Variants in DIPK1B observed in about 807,000 individuals in gnomAD.
DIPK1B encodes the protein family with sequence similarity 69 member B.
In DIPK1B, 17 loss-of-function variants were observed where a neutral mutation model predicts 20.7. That is an observed-to-expected ratio of 0.82 (90% CI 0.56 to 1.23). The LOEUF (loss-of-function observed/expected upper bound fraction) is 1.23. Ranked by LOEUF, DIPK1B falls within the 50% of genes most tolerant of loss-of-function variation. DIPK1B has a pLI of 0.00. For synonymous variants in DIPK1B, 343 were observed against 276.5 expected (o/e 1.24, Z -2.39); for missense variants, 648 against 601.8 (o/e 1.08, Z -0.80).
At chr9:136,716,020 G>A (rs1204221398) in intron 1 of DIPK1B, among the ~76,000 whole-genome samples, 2 of 151,964 alleles carry the variant, frequency 1.3e-5, no homozygotes, top group Non-Finnish European at 2.9e-5. Flanking sequence ...TGGTTTTGGC[G>A]ACTCTGGGGA....
intron 1 of DIPK1B, among the ~76,000 whole-genome samples, chr9:136,717,214 G>GT (rs1363138188): frequency 6.7e-6 from 1 of 150,280 alleles, no homozygotes; most frequent in Non-Finnish European, 1.5e-5. Context: ...GGGCTACAGA[G>GT]TAAGACTCCC....
At chr9:136,722,329 C>T in intron 4 of DIPK1B, 28 bp downstream of exon 4, 3 of 1,599,082 alleles carry the variant, frequency 1.9e-6, no homozygotes, top group Non-Finnish European at 2.6e-6. Context: ...GGGGGCAGGG[C>T]AGGAGTCCAC....
intron 1 of DIPK1B, among the ~76,000 whole-genome samples, chr9:136,715,411 A>G (rs1386700715): frequency 6.6e-6 from 1 of 152,174 alleles, no homozygotes; most frequent in Admixed American, 6.5e-5. Flanking sequence ...AGGGAAACCA[A>G]GGCAGAGGGA....
rs746735346 is a variant in DIPK1B, at chr9:136,723,433, G to A, written c.955G>A (p.Val319Met). 6.8e-6 allele frequency: 11 copies of A among 1,612,148 alleles called. No homozygotes were observed. Among genetic ancestry groups the A allele is most frequent in the African/African-American group, 1.3e-5 (1 of 75,032 alleles). ...YDFKMADLQQ[V>M]APEATVRRFL... Reference sequence around the variant, plus strand: ...CTTCAAGATGGCCGACCTGCAGCAGGTGGCACCCGAGGCCACCGTGCGCCG... The same window carrying A: ...CTTCAAGATGGCCGACCTGCAGCAGATGGCACCCGAGGCCACCGTGCGCCG... Residue 319 changes from valine (V) to methionine (M), a missense_variant, in exon 5 of 5, where the codon GTG becomes ATG. Transcript: ENST00000371692.
intron 4 of DIPK1B, 161 bp downstream of exon 4, chr9:136,722,462 A>C: frequency 1.1e-6 from 1 of 892,214 alleles, no homozygotes; most frequent in South Asian, 1.8e-5. Context: ...GAGCCCTGCC[A>C]GGGAAGGAGC....
intron 2 of DIPK1B, 113 bp downstream of exon 2, chr9:136,717,824 C>T (rs1846522151): frequency 2.0e-6 from 3 of 1,504,474 alleles, no homozygotes; most frequent in Non-Finnish European, 1.8e-6. Context: ...CCACGAGGCA[C>T]GTGGGTTTCT....
Position 136,723,279 on chromosome 9 carries a change from G to C in DIPK1B, c.801G>C (p.Ala267=). 3 of 1,612,564 alleles carry C rather than the reference G, an allele frequency of 1.9e-6. No individual in the cohort carries two copies. The South Asian group carries it at 3.3e-5, about 18-fold the overall frequency. The change falls in exon 5 of 5, where the codon GCG becomes GCC. Residue 267 remains alanine (A), a synonymous_variant. Coordinates refer to ENST00000371692, the MANE Select transcript of DIPK1B (RefSeq NM_152421.4). ...CTCTCCAGCAGTGGCTGGGGCCTGC[G>C]TGGCCTTGGCGGGCCAAGATCGCCA... The part of the protein sequence containing the change: ...QGALQQWLGP[A]WPWRAKIAIG...
intron 4 of DIPK1B, 40 bp downstream of exon 4, chr9:136,722,341 C>T (rs1406353707): frequency 6.3e-7 from 1 of 1,588,370 alleles, no homozygotes; most frequent in Non-Finnish European, 8.6e-7. Flanking sequence ...GGAGTCCACA[C>T]CACGGTCATA....
intron 4 of DIPK1B, chr9:136,722,541 T>C: frequency 1.7e-6 from 1 of 593,796 alleles, no homozygotes; most frequent in Non-Finnish European, 3.0e-6. Context: ...GGGAGGCTCC[T>C]GCAGTCAAGG....
At position 136,712,780 on chromosome 9, in the gene DIPK1B, G is replaced by A. The variant is rs1846444938; in HGVS notation, c.63+52G>A. On this transcript the variant is annotated intron_variant, in intron 1 of 4. Transcript: ENST00000371692. This position sits in a 1 kb window ranked among gnomAD's most constrained non-coding sequence, Gnocchi z 5.6. ...CCGGCCGCCTCTGCCTGGGGAGGCC[G>A]AGCTCCAGCCCCGGAGTGGGCCGAG... 1 of 1,253,326 alleles carries A rather than the reference G, an allele frequency of 8.0e-7. No homozygotes were observed. The highest frequency in any genetic ancestry group is 1.0e-6 in the Non-Finnish European group (1 of 989,288). The allele number at this position is 1,253,326 out of a possible 1,614,324, so 77.6% of individuals were successfully genotyped here.
At position 136,712,609 on chromosome 9, in the gene DIPK1B, G is replaced by A. The variant is rs531367076; in HGVS notation, c.-57G>A. On this transcript the variant is annotated 5_prime_UTR_variant, in exon 1 of 5. Coordinates refer to ENST00000371692, the MANE Select transcript of DIPK1B (RefSeq NM_152421.4). This position sits in a 1 kb window ranked among gnomAD's most constrained non-coding sequence, Gnocchi z 5.6. ...CGGCGGCCGCTGCGGGCCGGGCCGG[G>A]CCGGGGCTGAGGCCGAGCGAGCCGC... 8,193 of 860,796 alleles carry A rather than the reference G, an allele frequency of 9.5e-3. 48 individuals carry two copies. The highest frequency in any genetic ancestry group is 0.03 in the Middle Eastern group (52 of 1,756). The allele number at this position is 860,796 out of a possible 1,614,324, so 53.3% of individuals were successfully genotyped here.
At chr9:136,713,354 C>T (rs144137838) in intron 1 of DIPK1B, among the ~76,000 whole-genome samples, 112 of 152,360 alleles carry the variant, frequency 7.4e-4, no homozygotes, top group African/African-American at 2.4e-3. Context: ...CTCCCAGACC[C>T]TCCAGGACCC....
In DIPK1B at chr9:136,723,046, T is replaced by A; in HGVS notation, c.568T>A (p.Ser190Thr). 1 of 1,613,486 alleles carries A rather than the reference T, an allele frequency of 6.2e-7. No individual in the cohort carries two copies. Among genetic ancestry groups the A allele is most frequent in the Non-Finnish European group, 8.5e-7 (1 of 1,180,018 alleles). ...TGACTTCAACAAGGACAACCGGGTG[T>A]CCCTGGCGGAAGCCAAGTCCGTGTG... ...MADFNKDNRV[S>T]LAEAKSVWAL... Residue 190 changes from serine to threonine, a missense_variant, in exon 5 of 5, where the codon TCC becomes ACC. Ser to Thr is a moderately conservative substitution (Grantham distance 58). Coordinates refer to ENST00000371692, the MANE Select transcript of DIPK1B (RefSeq NM_152421.4).
rs11791795 is a variant in DIPK1B at position 136,713,581 on chromosome 9, G to A, written c.63+853G>A. On this transcript the variant is annotated intron_variant, in intron 1 of 4. Transcript: ENST00000371692. Reference sequence around the variant, plus strand: ...GTGCCCACTTGGGGCTTCAGGTTGTGGTGGTCCCGGCTCAGCCTTGGGGCA... The same window carrying A: ...GTGCCCACTTGGGGCTTCAGGTTGTAGTGGTCCCGGCTCAGCCTTGGGGCA... Among the ~76,000 whole-genome samples, 861 of 152,364 alleles carry A rather than the reference G, an allele frequency of 5.7e-3. 9 individuals carry two copies. Among genetic ancestry groups the A allele is most frequent in the Non-Finnish European group, 8.3e-3 (565 of 68,038 alleles).
rs768016639 is a variant in DIPK1B at position 136,723,953 on chromosome 9, C to T, written c.*179C>T. 13 of 650,206 alleles carry T rather than the reference C, an allele frequency of 2.0e-5. No individual in the cohort carries two copies. Among genetic ancestry groups the T allele is most frequent in the African/African-American group, 5.5e-5 (3 of 54,632 alleles). 40.3% of individuals were successfully genotyped at this position (650,206 alleles called of 1,614,324 possible). ...ATGAGACCCCAGCTCGGAGCAAAGG[C>T]GGACATGGACATCCCGGCAGGAGAG... On this transcript the variant is annotated 3_prime_UTR_variant, in exon 5 of 5. Transcript: ENST00000371692.
rs375134286 is a variant in DIPK1B at position 136,721,980 on chromosome 9, G to A, written c.258G>A (p.Leu86=). 36 of 1,613,602 alleles carry A rather than the reference G, an allele frequency of 2.2e-5. No individual in the cohort carries two copies. In the African/African-American group the frequency reaches 3.7e-4, roughly 17 times the overall value. Residue 86 remains leucine (L), a synonymous_variant, in exon 3 of 5, where the codon CTG becomes CTA. Transcript: ENST00000371692. ...SGSVCQDLCE[L]HMVEWRTCLS... Reference sequence around the variant, plus strand: ...CCGTCTGCCAGGACCTGTGTGAGCTGCATATGGTGGAGTGGAGGACCTGCC... The same window carrying A: ...CCGTCTGCCAGGACCTGTGTGAGCTACATATGGTGGAGTGGAGGACCTGCC...
In DIPK1B at chr9:136,723,089, A is replaced by T; in HGVS notation, c.611A>T (p.Asn204Ile). Reference sequence around the variant, plus strand: ...TCCGTGTGGGCCCTGCTGCAGCGTAACGAGTTCCTGCTGCTGCTGTCCCTG... The same window carrying T: ...TCCGTGTGGGCCCTGCTGCAGCGTATCGAGTTCCTGCTGCTGCTGTCCCTG... Reference protein sequence around the residue: ...AKSVWALLQRNEFLLLLSLQE... With the variant: ...AKSVWALLQRIEFLLLLSLQE... Residue 204 changes from asparagine (N) to isoleucine (I), a missense_variant, in exon 5 of 5, where the codon AAC becomes ATC. By Grantham distance (149) the Asn-to-Ile change is moderately radical. Transcript: ENST00000371692. The T allele has an allele frequency of 1.2e-6, 2 of 1,613,596 alleles. No homozygotes were observed. Among genetic ancestry groups the T allele is most frequent in the Non-Finnish European group, 1.7e-6 (2 of 1,180,024 alleles).
chr9:136,715,113 G>A (rs1021570313), intron 1 of DIPK1B, among the ~76,000 whole-genome samples: 8 of 152,220 alleles, frequency 5.3e-5, no homozygotes, highest in African/African-American at 1.2e-4. Flanking sequence ...CTCCCTGGCC[G>A]CAGGTGGACA....
intron 4 of DIPK1B, 183 bp downstream of exon 4, chr9:136,722,484 T>TG: frequency 2.6e-6 from 2 of 772,588 alleles, no homozygotes; most frequent in Middle Eastern, 3.8e-4. Context: ...TCTCCAGGGC[T>TG]GGGGGCAAGG....
Sources: gnomAD v4.1 joint callset for allele counts (sites outside exome capture counted in the v4.1 genomes callset) on GRCh38, gnomAD v4.1.1 for gene constraint, Gnocchi (gnomAD v3.1) non-coding constraint, MANE v1.5 for transcripts, NCBI Gene and HGNC (gene_info 2026-07-23, HGNC 2026-07-21) for gene names.